Variants in ZNF407 observed in about 807,000 individuals in gnomAD.
ZNF407 encodes zinc finger protein 407.
ZNF407 carries 17 observed loss-of-function variants against 131.2 expected under a neutral mutation model. The observed-to-expected ratio is 0.13, with a 90% confidence interval of 0.09 to 0.19. The LOEUF (loss-of-function observed/expected upper bound fraction) is 0.19. Ranked by LOEUF, ZNF407 falls within the 10% of genes least tolerant of loss-of-function variation. ZNF407 has a pLI of 1.00. For missense variants in ZNF407, 2,681 were observed against 2,830.6 expected, an observed-to-expected ratio of 0.95 and a Z score of 1.20; for synonymous variants, 1,156 against 1,062.0, an observed-to-expected ratio of 1.09 and a Z score of -1.72.
In ZNF407 at chr18:74,711,898, A is replaced by G. The variant is rs1967773074; in HGVS notation, c.4803-69530A>G. 2.0e-5 allele frequency among the ~76,000 whole-genome samples: 3 copies of G among 151,840 alleles called. No individual in the cohort carries two copies. In the South Asian group the frequency reaches 6.2e-4, roughly 32 times the overall value. On this transcript the variant is annotated intron_variant, in intron 3 of 8. Transcript: ENST00000299687. ...ATTAATTTTTGTTTTTTTAGTGGAG[A>G]GGGATTTCACCATGTTGGCCAGGCT...
At chr18:75,020,211 T>TCA (rs752860899) in intron 8 of ZNF407, among the ~76,000 whole-genome samples, 5 of 152,160 alleles carry the variant, frequency 3.3e-5, no homozygotes, top group Non-Finnish European at 7.3e-5. Flanking sequence ...TTAAACTTTA[T>TCA]CATAGGTATG....
Position 75,064,115 on chromosome 18 carries a change from C to T in ZNF407, c.6394C>T (p.His2132Tyr). 1 of 1,596,994 alleles carries T rather than the reference C, an allele frequency of 6.3e-7. No homozygotes were observed. Among genetic ancestry groups the T allele is most frequent in the Non-Finnish European group, 8.5e-7 (1 of 1,172,262 alleles). Residue 2132 changes from histidine (H) to tyrosine (Y), a missense_variant, in exon 9 of 9, where the codon CAC becomes TAC. Transcript: ENST00000299687. ...QIIMQEAQGE[H>Y]MDLVESDGEI... ...CATCATGCAGGAGGCGCAGGGCGAG[C>T]ACATGGATCTGGTGGAGTCCGACGG...
intron 3 of ZNF407, among the ~76,000 whole-genome samples, chr18:74,752,867 T>G (rs183830321): frequency 9.5e-4 from 145 of 152,334 alleles, no homozygotes; most frequent in Admixed American, 1.7e-3. Context: ...GGCTCTTTTT[T>G]GGTTCCATAT....
chr18:75,028,726 G>C (rs1973200937), intron 8 of ZNF407, among the ~76,000 whole-genome samples: 1 of 152,172 alleles, frequency 6.6e-6, no homozygotes, highest in East Asian at 1.9e-4. Flanking sequence ...CAGGAACAAT[G>C]CGAGAACCCA....
chr18:74,700,234 T>C (rs1388586570), intron 3 of ZNF407, among the ~76,000 whole-genome samples: 1 of 152,206 alleles, frequency 6.6e-6, no homozygotes, highest in Non-Finnish European at 1.5e-5. Flanking sequence ...TGAAGTAAGT[T>C]TTAAAATACA....
intron 8 of ZNF407, among the ~76,000 whole-genome samples, chr18:74,931,298 A>G (rs1599250475): frequency 6.6e-6 from 1 of 152,214 alleles, no homozygotes; most frequent in Non-Finnish European, 1.5e-5. Context: ...ATATTTTGCA[A>G]ATCTATCTGG....
intron 8 of ZNF407, among the ~76,000 whole-genome samples, chr18:74,996,656 C>T (rs1176511820): frequency 1.3e-5 from 2 of 151,898 alleles, no homozygotes; most frequent in African/African-American, 2.4e-5. Flanking sequence ...TGTGAGGTTC[C>T]GAATGGACAT....
chr18:74,979,380 C>T (rs1242747357), intron 8 of ZNF407, among the ~76,000 whole-genome samples: 5 of 152,190 alleles, frequency 3.3e-5, no homozygotes, highest in Non-Finnish European at 7.3e-5. Flanking sequence ...CAACCTCTGC[C>T]TCCCGGGTTC....
At chr18:74,829,160 C>T (rs970214201) in intron 4 of ZNF407, among the ~76,000 whole-genome samples, 1 of 152,218 alleles carries the variant, frequency 6.6e-6, no homozygotes, top group Non-Finnish European at 1.5e-5. Context: ...ATGTGACTCA[C>T]ACACAACATA....
chr18:74,740,771 G>C (rs1186859671), intron 3 of ZNF407, among the ~76,000 whole-genome samples: 1 of 152,130 alleles, frequency 6.6e-6, no homozygotes, highest in Non-Finnish European at 1.5e-5. Context: ...CTTCATCACA[G>C]GTGGACCTTT....
In ZNF407 at chr18:74,827,419, A is replaced by T. The variant is rs556264412; in HGVS notation, c.4877+45917A>T. Among the ~76,000 whole-genome samples the T allele has an allele frequency of 5.9e-5, 9 of 151,682 alleles. No individual in the cohort carries two copies. The South Asian group carries it at 1.9e-3, about 32-fold the overall frequency. On this transcript the variant is annotated intron_variant, in intron 4 of 8. Transcript: ENST00000299687. ...TTATTTTTCTTAATTTGTTGGTATCAGTTTGCGCTCATCATTTTTTCTTTT... is the reference window on the plus strand; with the variant it reads ...TTATTTTTCTTAATTTGTTGGTATCTGTTTGCGCTCATCATTTTTTCTTTT...
intron 5 of ZNF407, among the ~76,000 whole-genome samples, chr18:74,878,567 A>G (rs1456936663): frequency 2.6e-5 from 4 of 152,152 alleles, no homozygotes; most frequent in Non-Finnish European, 2.9e-5. Context: ...TGGCTGGATC[A>G]ATAATATAGA....
intron 3 of ZNF407, among the ~76,000 whole-genome samples, chr18:74,759,359 C>T (rs1969039510): frequency 6.6e-6 from 1 of 152,064 alleles, no homozygotes; most frequent in African/African-American, 2.4e-5. Flanking sequence ...TATTGAGTCT[C>T]TTGGATGTTA....
At position 75,011,107 on chromosome 18, in the gene ZNF407, T is replaced by C. The variant is rs75122805; in HGVS notation, c.5429-52043T>C. 5.1e-3 allele frequency among the ~76,000 whole-genome samples: 774 copies of C among 152,302 alleles called. 9 individuals carry two copies. The highest frequency in any genetic ancestry group is 0.017 in the African/African-American group (725 of 41,560). On this transcript the variant is annotated intron_variant, in intron 8 of 8. Transcript: ENST00000299687. ...GAGTCTTATTTATAAAATCTCTTTG[T>C]TACTCTTGGCTTGTGTTTAGTTTTC... is the stretch of plus-strand genomic sequence containing the variant.
chr18:74,854,786 C>T (rs1029583087), intron 4 of ZNF407, among the ~76,000 whole-genome samples: 2 of 152,034 alleles, frequency 1.3e-5, no homozygotes, highest in African/African-American at 4.8e-5. Context: ...AGCACCCATG[C>T]AGCTTAAGAC....
chr18:74,604,256 C>T (rs993844534), intron 1 of ZNF407, among the ~76,000 whole-genome samples: 12 of 152,122 alleles, frequency 7.9e-5, no homozygotes, highest in African/African-American at 2.9e-4. Context: ...GGGTCCTTGC[C>T]TAGTTTTTCT....
intron 8 of ZNF407, among the ~76,000 whole-genome samples, chr18:75,028,588 G>A (rs990679294): frequency 4.6e-5 from 7 of 152,180 alleles, no homozygotes; most frequent in African/African-American, 1.2e-4. Flanking sequence ...ATACCTCTAA[G>A]TGACTCTGAT....
chr18:74,992,017 A>G (rs1972724372), intron 8 of ZNF407, among the ~76,000 whole-genome samples: 1 of 152,184 alleles, frequency 6.6e-6, no homozygotes, highest in African/African-American at 2.4e-5. Flanking sequence ...GGGTTTTAGG[A>G]CTTCCCCACT....
At chr18:74,844,567 CAA>C (rs1182555318) in intron 4 of ZNF407, among the ~76,000 whole-genome samples, 1 of 151,996 alleles carries the variant, frequency 6.6e-6, no homozygotes, top group African/African-American at 2.4e-5. Context: ...AAATATACCT[CAA>C]AAAGATACAT....
Sources: gnomAD v4.1 joint callset for allele counts (sites outside exome capture counted in the v4.1 genomes callset) on GRCh38, gnomAD v4.1.1 for gene constraint, MANE v1.5 for transcripts, NCBI Gene and HGNC (gene_info 2026-07-23, HGNC 2026-07-21) for gene names.